Variants in LAMA2 observed in about 807,000 individuals in gnomAD.
The protein encoded by LAMA2 is laminin subunit alpha 2, also known as laminin subunit alpha-2.
LAMA2 carries 269 observed loss-of-function variants against 364.8 expected under a neutral mutation model. That is an observed-to-expected ratio of 0.74 (90% CI 0.67 to 0.82). The LOEUF (loss-of-function observed/expected upper bound fraction) is 0.82, where lower values mean the gene tolerates loss of function less well. Among genes scored for constraint, LAMA2 ranks in the 40% least tolerant of loss-of-function variants. LAMA2 has a pLI of 0.00. For missense variants in LAMA2, 3,807 were observed against 3,873.2 expected, an observed-to-expected ratio of 0.98 and a Z score of 0.45; for synonymous variants, 1,379 against 1,370.6, an observed-to-expected ratio of 1.01 and a Z score of -0.14.
intron 12 of LAMA2, among the ~76,000 whole-genome samples, chr6:129,239,021 G>T (rs1198036983): frequency 6.6e-6 from 1 of 152,076 alleles, no homozygotes; most frequent in Non-Finnish European, 1.5e-5. Flanking sequence ...CTTGCTCTGG[G>T]CAGTTACAAT....
At chr6:129,236,066 T>C (rs1784963390) in intron 12 of LAMA2, among the ~76,000 whole-genome samples, 1 of 152,208 alleles carries the variant, frequency 6.6e-6, no homozygotes, top group African/African-American at 2.4e-5. Flanking sequence ...ATCATTTAAG[T>C]CAGGGAATTT....
chr6:129,252,919 C>A (rs1321973170), intron 14 of LAMA2, among the ~76,000 whole-genome samples: 1 of 152,146 alleles, frequency 6.6e-6, no homozygotes, highest in Non-Finnish European at 1.5e-5. Flanking sequence ...CGTTTCTTTT[C>A]AGTGTAAAGT....
rs563868472 is a variant in LAMA2 at position 129,357,076 on chromosome 6, T to G, written c.4717+3719T>G. Among the ~76,000 whole-genome samples the G allele has an allele frequency of 2.6e-5, 4 of 152,196 alleles. No homozygotes were observed. In the South Asian group the frequency reaches 6.2e-4, roughly 24 times the overall value. ...TTTCTTCTTGATAAGTTAATACAAA[T>G]CCATCCTCCTCTTTCAACTGTCATT... On this transcript the variant is annotated intron_variant, in intron 32 of 64. Coordinates refer to ENST00000421865, the MANE Select transcript of LAMA2 (RefSeq NM_000426.4).
chr6:129,399,873 T>C (rs1191304835), intron 37 of LAMA2, among the ~76,000 whole-genome samples: 1 of 152,166 alleles, frequency 6.6e-6, no homozygotes, highest in Non-Finnish European at 1.5e-5. Flanking sequence ...AGAGATAGTA[T>C]TTTCGTAGTC....
chr6:129,334,593 G>C (rs941723859), intron 29 of LAMA2, among the ~76,000 whole-genome samples: 1 of 152,168 alleles, frequency 6.6e-6, no homozygotes, highest in Non-Finnish European at 1.5e-5. Flanking sequence ...CGCTATGCTA[G>C]ATTTTCTTAC....
intron 29 of LAMA2, 127 bp downstream of exon 29, chr6:129,328,539 T>TG (rs1775440424): frequency 1.4e-6 from 2 of 1,457,880 alleles, no homozygotes; most frequent in African/African-American, 2.8e-5. Context: ...ATAAAATATG[T>TG]AAGGGAAAAA....
At chr6:129,359,284 A>AT (rs1175088787) in intron 32 of LAMA2, among the ~76,000 whole-genome samples, 1 of 8,724 alleles carries the variant, frequency 1.1e-4, no homozygotes, top group Non-Finnish European at 2.4e-4. Flanking sequence ...TATTTAATAT[A>AT]TAAAAATATA....
intron 4 of LAMA2, among the ~76,000 whole-genome samples, chr6:129,135,746 C>G (rs1777755688): frequency 6.6e-6 from 1 of 152,182 alleles, no homozygotes; most frequent in Non-Finnish European, 1.5e-5. Flanking sequence ...CTCTTAGATT[C>G]TTTCCTAGCT....
At chr6:129,218,205 C>T (rs959698905) in intron 12 of LAMA2, among the ~76,000 whole-genome samples, 3 of 152,136 alleles carry the variant, frequency 2.0e-5, no homozygotes, top group Non-Finnish European at 4.4e-5. Context: ...ACATTAACAT[C>T]TCAGTGTATT....
Position 129,280,121 on chromosome 6 carries a change from C to A in LAMA2, c.2511C>A (p.Val837=), listed in dbSNP as rs201420653. 13 of 1,612,036 alleles carry A rather than the reference C, an allele frequency of 8.1e-6. No homozygotes were observed. In the East Asian group the frequency reaches 2.5e-4, roughly 30 times the overall value. Residue 837 remains valine, a synonymous_variant, in exon 18 of 65, where the codon GTC becomes GTA. Coordinates refer to ENST00000421865, the MANE Select transcript of LAMA2 (RefSeq NM_000426.4). ...GATTGATCTGTGATGGATGCCCTGT[C>A]GGGTACACAGGACCACGCTGTGAGA... The part of the protein sequence containing the change: ...SLGLICDGCP[V]GYTGPRCERC...
chr6:128,906,373 C>T (rs1337766881), intron 1 of LAMA2, among the ~76,000 whole-genome samples: 1 of 131,858 alleles, frequency 7.6e-6, no homozygotes, highest in Non-Finnish European at 1.6e-5. Context: ...ATTTGCATTT[C>T]TCTGATGGCC....
chr6:129,097,147 C>A (rs1165699885), intron 3 of LAMA2, among the ~76,000 whole-genome samples: 1 of 152,192 alleles, frequency 6.6e-6, no homozygotes, highest in Non-Finnish European at 1.5e-5. Context: ...TACCTCATAG[C>A]ATTTACTAGT....
chr6:129,093,787 T>C (rs1445089899), intron 3 of LAMA2, among the ~76,000 whole-genome samples: 4 of 152,246 alleles, frequency 2.6e-5, no homozygotes, highest in Admixed American at 1.3e-4. Context: ...ACACTTGATA[T>C]TGTTTTTAAA....
intron 31 of LAMA2, among the ~76,000 whole-genome samples, chr6:129,350,867 G>A (rs539620049): frequency 5.4e-4 from 82 of 152,200 alleles, no homozygotes; most frequent in African/African-American, 1.8e-3. Context: ...AAATAAATCC[G>A]TATGTGGTAA....
intron 44 of LAMA2, 96 bp from the exon 45 acceptor site, chr6:129,445,571 A>T: frequency 2.0e-6 from 2 of 1,016,472 alleles, no homozygotes; most frequent in Non-Finnish European, 3.1e-6. Flanking sequence ...TCACATTAAT[A>T]AGATGAAATT....
At chr6:129,279,774 A>G (rs1788585969) in intron 17 of LAMA2, among the ~76,000 whole-genome samples, 1 of 152,186 alleles carries the variant, frequency 6.6e-6, no homozygotes, top group African/African-American at 2.4e-5. Context: ...AAAAGCAGCT[A>G]TACATTTCCA....
chr6:129,400,528 T>C (rs142135902), intron 37 of LAMA2, among the ~76,000 whole-genome samples: 1,639 of 152,312 alleles, frequency 0.011, 28 homozygotes, highest in African/African-American at 0.038. Context: ...AATGGTGATT[T>C]CAGGAATAGG....
In LAMA2 at chr6:129,445,944, C is replaced by T. The variant is rs1046778570; in HGVS notation, c.6429+123C>T. On this transcript the variant is annotated intron_variant, in intron 45 of 64. Coordinates refer to ENST00000421865, the MANE Select transcript of LAMA2 (RefSeq NM_000426.4). Reference sequence around the variant, plus strand: ...TGGGTCCTTTTCCTTTAACTCGAAGCGATTTGGGGTAGGAGGGGTTGGAGT... The same window carrying T: ...TGGGTCCTTTTCCTTTAACTCGAAGTGATTTGGGGTAGGAGGGGTTGGAGT... 7.5e-6 allele frequency: 7 copies of T among 935,358 alleles called. 1 individual carries two copies. Among genetic ancestry groups the T allele is most frequent in the South Asian group, 5.7e-5 (4 of 70,264 alleles). The allele number at this position is 935,358 out of a possible 1,614,324, so 57.9% of individuals were successfully genotyped here.
chr6:129,159,098 A>G, intron 8 of LAMA2: 1 of 1,578,194 alleles, frequency 6.3e-7, no homozygotes, highest in Non-Finnish European at 8.7e-7. Context: ...CAATAATCTG[A>G]TGTAAATGTA....
Sources: allele counts gnomAD v4.1 joint callset (sites outside exome capture counted in the v4.1 genomes callset), GRCh38; gene constraint gnomAD v4.1.1; transcripts MANE v1.5; gene names NCBI Gene and HGNC (gene_info 2026-07-23, HGNC 2026-07-21).